Variants in RNF149 observed in about 807,000 individuals in gnomAD.
The protein encoded by RNF149 is E3 ubiquitin-protein ligase RNF149.
In RNF149, 21 loss-of-function variants were observed where a neutral mutation model predicts 39.0. The observed-to-expected ratio is 0.54, with a 90% CI of 0.38 to 0.77. The LOEUF is 0.77. Ranked by LOEUF, RNF149 falls within the 30% of genes least tolerant of loss-of-function variation. The pLI, the probability that RNF149 is intolerant of heterozygous loss-of-function variation, is 0.00. For missense variants in RNF149, 493 were observed against 534.9 expected (o/e 0.92, Z 0.77); for synonymous variants, 209 against 213.6 (o/e 0.98, Z 0.19).
chr2:101,276,624 A>G lies in RNF149; in HGVS notation c.*614T>C, dbSNP rs1326464228. 7.1e-6 allele frequency: 7 copies of G among 985,872 alleles called. No individual in the cohort carries two copies. Among genetic ancestry groups the G allele is most frequent in the Non-Finnish European group, 8.4e-6 (7 of 829,934 alleles). 61.1% of individuals were successfully genotyped at this position (985,872 alleles called of 1,614,324 possible). ...AGGCGTCACAAGAAATGAGGCAATA[A>G]AGGGAAAAATGCAAATCCTAAAGTC... On this transcript the variant is annotated 3_prime_UTR_variant, in exon 7 of 7. Coordinates refer to ENST00000295317, the MANE Select transcript of RNF149 (RefSeq NM_173647.4).
chr2:101,275,598 C>T (rs1274384134), downstream of RNF149: 1 of 151,090 alleles, frequency 6.6e-6, no homozygotes, highest in Non-Finnish European at 1.4e-5. Context: ...CCCGCCACTA[C>T]GCCCGGCTAA....
rs758927410 is a variant in RNF149 at position 101,295,206 on chromosome 2, A to G, written c.461-25T>C. ...CCTGTAGGAAAGAACAAAGAAATCA[A>G]TGTGAAGAACACAAAATAAGATACA... On this transcript the variant is annotated intron_variant, in intron 1 of 6. Transcript: ENST00000295317. The G allele has an allele frequency of 6.3e-6, 10 of 1,593,640 alleles. No homozygotes were observed. The East Asian group carries it at 2.2e-4, about 36-fold the overall frequency.
At chr2:101,280,878 T>A (rs1201970995) in intron 6 of RNF149, among the ~76,000 whole-genome samples, 1 of 152,086 alleles carries the variant, frequency 6.6e-6, no homozygotes, top group East Asian at 1.9e-4. Context: ...CAAAAAAATT[T>A]AAAAAGTTAG....
At chr2:101,284,161 T>C (rs780165585) in intron 5 of RNF149, among the ~76,000 whole-genome samples, 3 of 152,252 alleles carry the variant, frequency 2.0e-5, no homozygotes, top group Non-Finnish European at 2.9e-5. Context: ...GAAGAAATTC[T>C]AGAAGAGAGA....
intron 6 of RNF149, chr2:101,281,564 G>A: frequency 6.0e-6 from 2 of 334,536 alleles, no homozygotes; most frequent in Non-Finnish European, 1.1e-5. Context: ...TACAGTGACA[G>A]GATCATAGCT....
At position 101,308,649 on chromosome 2, in the gene RNF149, A is replaced by C. The variant is rs1316068873; in HGVS notation, c.-61T>G. Reference sequence around the variant, plus strand: ...TCACGCGCGAGTGCGGTGCAGTCGAAGAGCAGAGAGAAGCGGACACCCACC... The same window carrying C: ...TCACGCGCGAGTGCGGTGCAGTCGACGAGCAGAGAGAAGCGGACACCCACC... On this transcript the variant is annotated 5_prime_UTR_variant, in exon 1 of 7. Transcript: ENST00000295317. 3 of 1,379,476 alleles carry C rather than the reference A, an allele frequency of 2.2e-6. No homozygotes were observed. In the African/African-American group the frequency reaches 4.6e-5, roughly 21 times the overall value. 85.5% of individuals were successfully genotyped at this position (1,379,476 alleles called of 1,614,324 possible).
chr2:101,277,742 A>T (rs1682404271), intron 6 of RNF149, among the ~76,000 whole-genome samples: 2 of 152,206 alleles, frequency 1.3e-5, no homozygotes, highest in Non-Finnish European at 2.9e-5. Flanking sequence ...CATTCCACTG[A>T]TAGCCAACAA....
In RNF149 at chr2:101,282,065, A is replaced by G. The variant is rs1682614896; in HGVS notation, c.961-8T>C. 2.5e-6 allele frequency: 4 copies of G among 1,613,784 alleles called. No individual in the cohort carries two copies. The highest frequency in any genetic ancestry group is 3.4e-6 in the Non-Finnish European group (4 of 1,179,868). ...TACATCCCCAGGCTCTCCCTTGAGA[A>G]TTAGAACAGAAGAAAAAACATGATC... On this transcript the variant is annotated splice_region_variant and splice_polypyrimidine_tract_variant and intron_variant, in intron 5 of 6. Transcript: ENST00000295317.
At position 101,286,121 on chromosome 2, in the gene RNF149, G is replaced by A; in HGVS notation, c.920C>T (p.Pro307Leu). 1 of 1,612,162 alleles carries A rather than the reference G, an allele frequency of 6.2e-7. No homozygotes were observed. Among genetic ancestry groups the A allele is most frequent in the Non-Finnish European group, 8.5e-7 (1 of 1,178,468 alleles). ...DPWLLDHRTC[P>L]MCKLDVIKAL... Reference sequence around the variant, plus strand: ...TTTGATGACATCAAGTTTACACATTGGACATGTTCGGTGATCCAAAAGCCA... The same window carrying A: ...TTTGATGACATCAAGTTTACACATTAGACATGTTCGGTGATCCAAAAGCCA... Residue 307 changes from proline (P) to leucine (L), a missense_variant, in exon 5 of 7, where the codon CCA becomes CTA. Pro to Leu is a moderately conservative substitution (Grantham distance 98). Transcript: ENST00000295317.
At chr2:101,304,699 C>G (rs1683588678) in intron 1 of RNF149, among the ~76,000 whole-genome samples, 1 of 152,098 alleles carries the variant, frequency 6.6e-6, no homozygotes, top group African/African-American at 2.4e-5. Context: ...AAATTCCAGT[C>G]ACATTTTTTT....
At chr2:101,293,613 T>TA (rs1399038905) in intron 3 of RNF149, among the ~76,000 whole-genome samples, 10 of 152,232 alleles carry the variant, frequency 6.6e-5, no homozygotes, top group African/African-American at 2.4e-4. Context: ...TTTCTCCCTG[T>TA]AACTAAAGGA....
At chr2:101,306,709 C>G (rs1378706667) in intron 1 of RNF149, among the ~76,000 whole-genome samples, 1 of 152,210 alleles carries the variant, frequency 6.6e-6, no homozygotes, top group African/African-American at 2.4e-5. Context: ...CTCTGCATCT[C>G]CCTCAGTCTT....
chr2:101,294,787 G>GCTAC lies in RNF149; in HGVS notation c.711+143_711+144insGTAG. 4.2e-6 allele frequency: 3 copies of GCTAC among 708,600 alleles called. No homozygotes were observed. The East Asian group carries it at 8.3e-5, about 19-fold the overall frequency. 43.9% of individuals were successfully genotyped at this position (708,600 alleles called of 1,614,324 possible). ...AAATTTAACATAGTCCAATTAAAAA[G>GCTAC]TTACTTCCAAAAAGTCATGTTGAAT... On this transcript the variant is annotated intron_variant, in intron 2 of 6. Coordinates refer to ENST00000295317, the MANE Select transcript of RNF149 (RefSeq NM_173647.4).
At chr2:101,275,497 A>G (rs543495552), downstream of RNF149, among the ~76,000 whole-genome samples, 7 of 110,216 alleles carry the variant, frequency 6.4e-5, 1 homozygote, top group South Asian at 1.6e-3. Context: ...GCTGGAGTGC[A>G]GTGGCGGGAT....
At chr2:101,285,380 AT>A (rs1682758775) in intron 5 of RNF149, among the ~76,000 whole-genome samples, 1 of 152,196 alleles carries the variant, frequency 6.6e-6, no homozygotes, top group Non-Finnish European at 1.5e-5. Context: ...TTGAAAGATG[AT>A]TCCCCATTAG....
downstream of RNF149, among the ~76,000 whole-genome samples, chr2:101,275,406 C>T (rs555977304): frequency 1.6e-4 from 24 of 146,292 alleles, no homozygotes; most frequent in Non-Finnish European, 2.8e-4. Flanking sequence ...CGTGAGCCAC[C>T]GCGCCCGGCC....
intron 6 of RNF149, among the ~76,000 whole-genome samples, chr2:101,281,101 T>C (rs1682565431): frequency 6.6e-6 from 1 of 152,094 alleles, no homozygotes; most frequent in Non-Finnish European, 1.5e-5. Flanking sequence ...ATTTTACCTA[T>C]CAGAGTGACA....
At chr2:101,275,427 A>ATT (rs1682301916), downstream of RNF149, among the ~76,000 whole-genome samples, 14 of 26,844 alleles carry the variant, frequency 5.2e-4, no homozygotes, top group African/African-American at 1.1e-3. Context: ...CTCCCCTAGT[A>ATT]TTTCTTTTTT....
At chr2:101,300,535 G>T (rs185760521) in intron 1 of RNF149, among the ~76,000 whole-genome samples, 1 of 152,042 alleles carries the variant, frequency 6.6e-6, no homozygotes, top group African/African-American at 2.4e-5. Flanking sequence ...AGCATTAGCT[G>T]GGTGCAGTGG....
Sources: gnomAD v4.1 joint callset for allele counts (sites outside exome capture counted in the v4.1 genomes callset) on GRCh38, gnomAD v4.1.1 for gene constraint, MANE v1.5 for transcripts, NCBI Gene and HGNC (gene_info 2026-07-23, HGNC 2026-07-21) for gene names.